The following SHPRH variants were observed in gnomAD, a reference collection of about 807,000 sequenced individuals.
SHPRH encodes the protein E3 ubiquitin-protein ligase SHPRH.
SHPRH carries 106 observed loss-of-function variants against 202.5 expected under a neutral mutation model. The ratio of observed to expected loss-of-function variants is 0.52; its 90% CI spans 0.45 to 0.62. The LOEUF (loss-of-function observed/expected upper bound fraction) is 0.62, where lower values mean the gene tolerates loss of function less well. Ranked by LOEUF, SHPRH falls within the 20% of genes least tolerant of loss-of-function variation. The pLI, the probability that SHPRH is intolerant of heterozygous loss-of-function variation, is 0.00. For missense variants in SHPRH, 1,710 were observed against 2,020.0 expected (o/e 0.85, Z 2.94); for synonymous variants, 729 against 686.0 (o/e 1.06, Z -0.98).
At position 145,910,300 on chromosome 6, in the gene SHPRH, G is replaced by A. The variant is rs1783378767; in HGVS notation, c.4515+148C>T. ...ATTAAAAATTACATGGTTAAGCTGA[G>A]GCTTTCAGGCAGTGTATCTACAGAC... On this transcript the variant is annotated intron_variant, in intron 25 of 29. Coordinates refer to ENST00000275233, the MANE Select transcript of SHPRH (RefSeq NM_001042683.3). 5 of 810,236 alleles carry A rather than the reference G, an allele frequency of 6.2e-6. No individual in the cohort carries two copies. The Admixed American group carries it at 1.3e-4, about 21-fold the overall frequency. 50.2% of individuals were successfully genotyped at this position (810,236 alleles called of 1,614,324 possible).
At chr6:145,927,519 A>G (rs1261240679) in intron 14 of SHPRH, among the ~76,000 whole-genome samples, 1 of 151,758 alleles carries the variant, frequency 6.6e-6, no homozygotes, top group African/African-American at 2.4e-5. Context: ...ATATTTTAAA[A>G]TTATACTGAA....
intron 25 of SHPRH, among the ~76,000 whole-genome samples, chr6:145,901,502 T>C (rs1782503424): frequency 1.3e-5 from 2 of 151,992 alleles, no homozygotes; most frequent in Non-Finnish European, 2.9e-5. Context: ...AGCAAAAAAG[T>C]AACAAAAGGA....
chr6:145,914,453 G>C (rs1783772139), intron 23 of SHPRH, among the ~76,000 whole-genome samples: 2 of 152,144 alleles, frequency 1.3e-5, no homozygotes, highest in Non-Finnish European at 2.9e-5. Context: ...TTTAGGCCTT[G>C]TGGGCCATAT....
chr6:145,959,522 T>C (rs934362369), intron 1 of SHPRH, among the ~76,000 whole-genome samples: 2 of 152,166 alleles, frequency 1.3e-5, no homozygotes, highest in African/African-American at 4.8e-5. Flanking sequence ...TCTTAAGATG[T>C]TCACACAACA....
At chr6:145,893,039 A>C (rs1033563599) in intron 28 of SHPRH, among the ~76,000 whole-genome samples, 176 bp downstream of exon 28, 1 of 152,034 alleles carries the variant, frequency 6.6e-6, no homozygotes, top group Non-Finnish European at 1.5e-5. Flanking sequence ...CTTTCAATTA[A>C]ATAATTAAAA....
intron 26 of SHPRH, among the ~76,000 whole-genome samples, 185 bp from the exon 27 acceptor site, chr6:145,894,421 T>G (rs1001548268): frequency 2.5e-5 from 1 of 40,214 alleles, no homozygotes; most frequent in Admixed American, 1.7e-4. Flanking sequence ...ATTTTGTTTG[T>G]TTTTTTTTTT....
At position 145,935,661 on chromosome 6, in the gene SHPRH, A is replaced by G. The variant is rs533905380; in HGVS notation, c.2570-220T>C. 2.7e-5 allele frequency: 13 copies of G among 488,320 alleles called. No individual in the cohort carries two copies. The East Asian group carries it at 4.1e-4, about 16-fold the overall frequency. 30.2% of individuals were successfully genotyped at this position (488,320 alleles called of 1,614,324 possible). ...GGGCTAGGTGCTAAAATAATGTTAGATTTATGCAACCATTCATTACATACA... is the reference window on the plus strand; with the variant it reads ...GGGCTAGGTGCTAAAATAATGTTAGGTTTATGCAACCATTCATTACATACA... On this transcript the variant is annotated intron_variant, in intron 11 of 29. Coordinates refer to ENST00000275233, the MANE Select transcript of SHPRH (RefSeq NM_001042683.3).
chr6:145,925,161 T>C (rs1211819939), intron 16 of SHPRH, among the ~76,000 whole-genome samples: 2 of 151,762 alleles, frequency 1.3e-5, no homozygotes, highest in Admixed American at 1.3e-4. Flanking sequence ...TTTCAAATGA[T>C]AGGCAAAGCA....
At chr6:145,935,848 T>G (rs2128769162) in intron 11 of SHPRH, 4 of 159,136 alleles carry the variant, frequency 2.5e-5, no homozygotes, top group Admixed American at 2.4e-4. Context: ...AGCACACAGA[T>G]GACATGAAGA....
At chr6:145,893,193 T>C (rs1781717086) in intron 28 of SHPRH, 22 bp downstream of exon 28, 2 of 1,494,288 alleles carry the variant, frequency 1.3e-6, no homozygotes, top group Non-Finnish European at 1.8e-6. Context: ...CAAATGTGAC[T>C]GATTCTAATT....
At chr6:145,886,887 T>C in intron 29 of SHPRH, 100 bp from the exon 30 acceptor site, 1 of 1,283,032 alleles carries the variant, frequency 7.8e-7, no homozygotes, top group South Asian at 1.8e-5. Context: ...TTTCTTAAGT[T>C]TTTGTAATTG....
At chr6:145,932,965 C>CT (rs1582745361) in intron 14 of SHPRH, 92 bp downstream of exon 14, 4 of 1,178,168 alleles carry the variant, frequency 3.4e-6, no homozygotes, top group Non-Finnish European at 4.5e-6. Context: ...GGGGAAAAAT[C>CT]CCCCCCCCAA....
chr6:145,962,631 C>T (rs1231919280), intron 1 of SHPRH, among the ~76,000 whole-genome samples: 1 of 152,118 alleles, frequency 6.6e-6, no homozygotes, highest in Non-Finnish European at 1.5e-5. Context: ...TTTTTCCCTC[C>T]AAAATATTAT....
Position 145,948,293 on chromosome 6 carries a change from TAG to T in SHPRH, c.1038_1039del (p.Tyr347LeufsTer2). The T allele has an allele frequency of 1.2e-6, 2 of 1,602,718 alleles. No individual in the cohort carries two copies. The highest frequency in any genetic ancestry group is 2.7e-5 in the African/African-American group (2 of 74,608). On this transcript the variant is annotated frameshift_variant, in exon 5 of 30. Coordinates refer to ENST00000275233, the MANE Select transcript of SHPRH (RefSeq NM_001042683.3). LOFTEE classifies it high-confidence loss of function. ...TTACCAGCCTGTATATGGATTATAG[TAG>T]AGTTTCAGACCCTCAGATGTAACAA...
chr6:145,958,101 C>T (rs1397965062), intron 1 of SHPRH, among the ~76,000 whole-genome samples: 1 of 152,066 alleles, frequency 6.6e-6, no homozygotes, highest in African/African-American at 2.4e-5. Context: ...ACATGAAATT[C>T]TAGAAATGGC....
chr6:145,939,800 T>C (rs1413082833), intron 11 of SHPRH, among the ~76,000 whole-genome samples: 1 of 152,102 alleles, frequency 6.6e-6, no homozygotes, highest in Non-Finnish European at 1.5e-5. Context: ...CTTTTCCTCC[T>C]AAAAATAATC....
downstream of SHPRH, chr6:145,884,238 T>TC (rs755390352): frequency 3.2e-4 from 48 of 152,176 alleles, no homozygotes; most frequent in Admixed American, 2.9e-3. Context: ...AGATAACAAT[T>TC]CCTAAAACTG....
chr6:145,923,481 T>G (rs1784603881), intron 18 of SHPRH, among the ~76,000 whole-genome samples, 162 bp downstream of exon 18: 1 of 151,680 alleles, frequency 6.6e-6, no homozygotes, highest in Non-Finnish European at 1.5e-5. Context: ...TTTGATAAAC[T>G]GTGAATAAAA....
At chr6:145,951,663 T>G in intron 3 of SHPRH, 1 of 353,778 alleles carries the variant, frequency 2.8e-6, no homozygotes, top group Non-Finnish European at 5.8e-6. Context: ...AACGATTTAC[T>G]ATTACTGATA....
Sources: allele counts gnomAD v4.1 joint callset (sites outside exome capture counted in the v4.1 genomes callset), GRCh38; gene constraint gnomAD v4.1.1; transcripts MANE v1.5; gene names NCBI Gene and HGNC (gene_info 2026-07-23, HGNC 2026-07-21).